Variants in KIF5C observed in about 807,000 individuals in gnomAD.
KIF5C encodes the protein kinesin heavy chain isoform 5C.
In KIF5C, 18 loss-of-function variants were observed where a neutral mutation model predicts 125.2. The ratio of observed to expected loss-of-function variants is 0.14; its 90% CI spans 0.10 to 0.21. The LOEUF (loss-of-function observed/expected upper bound fraction) is 0.21. Among genes scored for constraint, KIF5C ranks in the 10% least tolerant of loss-of-function variants. The probability of loss-of-function intolerance (pLI) is 1.00; values close to 1 mark genes in which losing one functional copy is unlikely to be tolerated. For synonymous variants in KIF5C, 405 were observed against 434.0 expected (o/e 0.93, Z 0.83); for missense variants, 780 against 1,183.8 (o/e 0.66, Z 5.01).
intron 1 of KIF5C, chr2:148,886,281 G>A (rs183922083): frequency 2.0e-5 from 3 of 152,450 alleles, no homozygotes; most frequent in African/African-American, 7.2e-5. Context: ...ACCTCTGTAG[G>A]GTCTGGTTTC....
At chr2:148,942,265 C>T (rs1385386841) in intron 6 of KIF5C, among the ~76,000 whole-genome samples, 1 of 152,116 alleles carries the variant, frequency 6.6e-6, no homozygotes, top group Non-Finnish European at 1.5e-5. Flanking sequence ...CCTATTATAG[C>T]ATTATCTGTG....
chr2:149,005,604 T>A, intron 22 of KIF5C, 140 bp downstream of exon 22: 1 of 1,318,232 alleles, frequency 7.6e-7, no homozygotes, highest in Non-Finnish European at 1.0e-6. Flanking sequence ...AGAATGTTAT[T>A]AAAAGAATGT....
At chr2:148,884,819 C>T (rs988055529) in intron 1 of KIF5C, among the ~76,000 whole-genome samples, 2 of 152,118 alleles carry the variant, frequency 1.3e-5, no homozygotes, top group Admixed American at 6.6e-5. Flanking sequence ...AAGAAATGCT[C>T]ATACATGTTG....
At chr2:148,891,298 G>T (rs1309571069) in intron 1 of KIF5C, among the ~76,000 whole-genome samples, 2 of 152,158 alleles carry the variant, frequency 1.3e-5, no homozygotes, top group Non-Finnish European at 2.9e-5. Flanking sequence ...TGGAAAGTTG[G>T]AGAAAAGGTG....
chr2:148,938,712 C>A (rs1295907509), intron 4 of KIF5C, among the ~76,000 whole-genome samples: 1 of 152,124 alleles, frequency 6.6e-6, no homozygotes, highest in East Asian at 1.9e-4. Flanking sequence ...CTAAGCAGAT[C>A]TGCTAAGAGA....
chr2:149,024,527 T>A lies in KIF5C; in HGVS notation c.*1457T>A, dbSNP rs1682630627. ...CGAAGGTAGCTCAAGTGTGTGTGTG[T>A]GTGTGTGTGTGTGTGTGTGTGTGTG... is the stretch of plus-strand genomic sequence containing the variant. On this transcript the variant is annotated 3_prime_UTR_variant, in exon 26 of 26. Transcript: ENST00000435030. 2.1e-5 allele frequency: 3 copies of A among 142,916 alleles called. No homozygotes were observed. The highest frequency in any genetic ancestry group is 2.2e-4 in the South Asian group (1 of 4,588). 8.9% of individuals were successfully genotyped at this position (142,916 alleles called of 1,614,324 possible).
chr2:148,917,505 T>C (rs2105075933), intron 1 of KIF5C, among the ~76,000 whole-genome samples: 1 of 152,332 alleles, frequency 6.6e-6, no homozygotes, highest in East Asian at 1.9e-4. Context: ...AATACCTAGC[T>C]CATAGAGTTC....
At chr2:148,938,385 A>T (rs968480669) in intron 4 of KIF5C, among the ~76,000 whole-genome samples, 8 of 152,148 alleles carry the variant, frequency 5.3e-5, no homozygotes, top group Admixed American at 1.3e-4. Flanking sequence ...CCTTATCCTA[A>T]TTCTTGAGCA....
At chr2:148,951,637 T>C (rs1455244192) in intron 10 of KIF5C, among the ~76,000 whole-genome samples, 1 of 152,176 alleles carries the variant, frequency 6.6e-6, no homozygotes, top group African/African-American at 2.4e-5. Context: ...GGATGAGGGC[T>C]CAGAGGGCTG....
intron 24 of KIF5C, 150 bp from the exon 25 acceptor site, chr2:149,011,420 C>T: frequency 8.7e-7 from 1 of 1,152,690 alleles, no homozygotes; most frequent in African/African-American, 1.5e-5. Flanking sequence ...ATAGTTTTCC[C>T]ATTTTCAGAG....
chr2:148,888,991 C>G (rs1019015890), intron 1 of KIF5C, among the ~76,000 whole-genome samples: 2 of 152,134 alleles, frequency 1.3e-5, no homozygotes, highest in Non-Finnish European at 2.9e-5. Flanking sequence ...TCCACTTTCC[C>G]TTACTCTAGG....
chr2:148,995,242 G>A (rs540534835), intron 17 of KIF5C, among the ~76,000 whole-genome samples: 70 of 152,184 alleles, frequency 4.6e-4, no homozygotes, highest in Non-Finnish European at 9.0e-4. Context: ...CCACTGTGTG[G>A]CATCCTGAGG....
At chr2:148,990,885 C>A in intron 15 of KIF5C, 125 bp from the exon 16 acceptor site, 1 of 1,430,120 alleles carries the variant, frequency 7.0e-7, no homozygotes, top group Non-Finnish European at 9.2e-7. Flanking sequence ...TCCGCTTGTC[C>A]TTTAATTAGG....
intron 4 of KIF5C, among the ~76,000 whole-genome samples, chr2:148,937,636 C>G (rs1306258273): frequency 6.6e-6 from 1 of 152,128 alleles, no homozygotes; most frequent in African/African-American, 2.4e-5. Flanking sequence ...CAAATTCTAC[C>G]CTTTATCCTC....
At position 149,010,170 on chromosome 2, in the gene KIF5C, G is replaced by C. The variant is rs531040948; in HGVS notation, c.2586G>C (p.Leu862=). ...VRDNADLRCE[L]PKLEKRLRAT... ...ACAACGCAGACCTGCGCTGTGAACT[G>C]CCCAAGCTGGAGAAGCGGCTGCGTG... is the stretch of plus-strand genomic sequence containing the variant. Residue 862 remains leucine (L), a synonymous_variant, in exon 24 of 26, where the codon CTG becomes CTC. Coordinates refer to ENST00000435030, the MANE Select transcript of KIF5C (RefSeq NM_004522.3). 23 of 1,552,854 alleles carry C rather than the reference G, an allele frequency of 1.5e-5. No homozygotes were observed. The highest frequency in any genetic ancestry group is 1.4e-4 in the South Asian group (12 of 84,078).
At chr2:148,922,752 G>A (rs1165286943) in intron 2 of KIF5C, among the ~76,000 whole-genome samples, 2 of 152,124 alleles carry the variant, frequency 1.3e-5, no homozygotes, top group African/African-American at 4.8e-5. Flanking sequence ...AGCTGGTCTT[G>A]CCATTCAGCA....
intron 25 of KIF5C, chr2:149,020,235 T>G (rs1682492261): frequency 1.3e-5 from 2 of 152,238 alleles, no homozygotes; most frequent in Admixed American, 1.3e-4. Context: ...AATCCATGTT[T>G]CTTGGGCCTG....
chr2:148,999,175 T>G (rs1164409557), intron 19 of KIF5C, among the ~76,000 whole-genome samples: 1 of 152,198 alleles, frequency 6.6e-6, no homozygotes, highest in African/African-American at 2.4e-5. Flanking sequence ...CAGAATAATG[T>G]TTTCAAATGC....
At position 149,024,304 on chromosome 2, in the gene KIF5C, G is replaced by A. The variant is rs931597236; in HGVS notation, c.*1234G>A. On this transcript the variant is annotated 3_prime_UTR_variant, in exon 26 of 26. Transcript: ENST00000435030. ...ATTTCCAAGTAGTAAAGTTTTCAGGGAAACTGACTGTGCTGCTATTTGTTT... is the reference window on the plus strand; with the variant it reads ...ATTTCCAAGTAGTAAAGTTTTCAGGAAAACTGACTGTGCTGCTATTTGTTT... The A allele has an allele frequency of 6.6e-6, 1 of 152,270 alleles. No homozygotes were observed. Among genetic ancestry groups the A allele is most frequent in the African/African-American group, 2.4e-5 (1 of 41,310 alleles). 9.4% of individuals were successfully genotyped at this position (152,270 alleles called of 1,614,324 possible).
Sources: gnomAD v4.1 joint callset for allele counts (sites outside exome capture counted in the v4.1 genomes callset) on GRCh38, gnomAD v4.1.1 for gene constraint, MANE v1.5 for transcripts, NCBI Gene and HGNC (gene_info 2026-07-23, HGNC 2026-07-21) for gene names.